Variants in DCHS2 observed in about 807,000 individuals in gnomAD.
DCHS2 encodes protocadherin-23.
DCHS2 carries 142 observed loss-of-function variants against 182.4 expected under a neutral mutation model. That is an observed-to-expected ratio of 0.78 (90% CI 0.68 to 0.89). The LOEUF is 0.89. Ranked by LOEUF, DCHS2 falls within the 40% of genes least tolerant of loss-of-function variation. The pLI is 0.00. For missense variants in DCHS2, 4,319 were observed against 4,198.6 expected (o/e 1.03, Z -0.79); for synonymous variants, 1,740 against 1,663.3 (o/e 1.05, Z -1.12).
At chr4:154,274,121 ACAGTCACTGT>A (rs1733723466) in intron 13 of DCHS2, among the ~76,000 whole-genome samples, 1 of 152,208 alleles carries the variant, frequency 6.6e-6, no homozygotes, top group Non-Finnish European at 1.5e-5. Flanking sequence ...AATGTCTCAG[ACAGTCACTGT>A]CAGCCTATCG....
intron 3 of DCHS2, among the ~76,000 whole-genome samples, chr4:154,362,651 AAC>A (rs1027359691): frequency 6.6e-6 from 1 of 152,070 alleles, no homozygotes; most frequent in Admixed American, 6.6e-5. Flanking sequence ...AGTTTTCAAT[AAC>A]AGTTACAAGT....
intron 1 of DCHS2, among the ~76,000 whole-genome samples, chr4:154,466,550 C>G (rs888606244): frequency 6.6e-6 from 1 of 152,118 alleles, no homozygotes; most frequent in African/African-American, 2.4e-5. Context: ...GATAAATAAT[C>G]CAGGTAAAGA....
At chr4:154,237,332 T>C in intron 19 of DCHS2, 173 bp from the exon 20 acceptor site, 1 of 887,450 alleles carries the variant, frequency 1.1e-6, no homozygotes, top group South Asian at 2.4e-5. Flanking sequence ...ATTTATATGT[T>C]TATAACATGT....
intron 2 of DCHS2, among the ~76,000 whole-genome samples, chr4:154,376,074 G>C (rs755521957): frequency 2.0e-5 from 3 of 152,086 alleles, no homozygotes; most frequent in Non-Finnish European, 2.9e-5. Flanking sequence ...AGGCAGGGAT[G>C]GGGGCATGGA....
At chr4:154,457,396 C>T (rs1734812776) in intron 1 of DCHS2, among the ~76,000 whole-genome samples, 1 of 152,166 alleles carries the variant, frequency 6.6e-6, no homozygotes, top group African/African-American at 2.4e-5. Context: ...TAACATGACA[C>T]AAATAAAAGC....
chr4:154,307,478 C>T (rs527573659), intron 10 of DCHS2, among the ~76,000 whole-genome samples: 1 of 152,038 alleles, frequency 6.6e-6, no homozygotes, highest in South Asian at 2.1e-4. Flanking sequence ...TCTACCTTCT[C>T]TTAGACTTCA....
intron 15 of DCHS2, 43 bp downstream of exon 15, chr4:154,259,502 A>C (rs539008733): frequency 1.6e-3 from 697 of 444,512 alleles, no homozygotes; most frequent in African/African-American, 7.1e-3. Flanking sequence ...AGACACACCC[A>C]CACACACACA....
At position 154,366,239 on chromosome 4, in the gene DCHS2, G is replaced by T. The variant is rs756567652; in HGVS notation, c.2447C>A (p.Ser816Ter). 6.2e-7 allele frequency: 1 copy of T among 1,613,536 alleles called. No homozygotes were observed. The highest frequency in any genetic ancestry group is 8.5e-7 in the Non-Finnish European group (1 of 1,179,848). The stretch of plus-strand genomic sequence containing the variant: ...GGTGGAGTCAATGGTAAAAAGGGAC[G>T]ACACGTTTCCTGGAATAAGCTCATA... ...VAYELIPGNV[S>*]SLFTIDSTTG... The change falls in exon 3 of 20, where the codon TCG becomes TAG. Residue 816 changes from serine to a stop codon, truncating the protein, a stop_gained. Coordinates refer to ENST00000357232, the MANE Select transcript of DCHS2 (RefSeq NM_001358235.2). LOFTEE classifies it high-confidence loss of function.
intron 1 of DCHS2, among the ~76,000 whole-genome samples, chr4:154,479,156 G>C (rs542733812): frequency 2.0e-4 from 30 of 152,226 alleles, no homozygotes; most frequent in Admixed American, 1.8e-3. Context: ...AATGAAAATT[G>C]TATAAGTGAA....
In DCHS2 at chr4:154,491,302, C is replaced by A. The variant is rs552899633; in HGVS notation, c.54G>T (p.Pro18=). 2 of 1,547,830 alleles carry A rather than the reference C, an allele frequency of 1.3e-6. No homozygotes were observed. The highest frequency in any genetic ancestry group is 1.4e-5 in the African/African-American group (1 of 73,112). The change falls in exon 1 of 20, where the codon CCG becomes CCT. Residue 18 remains proline, a synonymous_variant. Coordinates refer to ENST00000357232, the MANE Select transcript of DCHS2 (RefSeq NM_001358235.2). ...CGGGGAGCAGAAGGAGCTTCCCGAC[C>A]GGAGCCCGCCGCTGCTGACGCCCTT... ...MGEGRQQRRA[P]VGKLLLLPGR...
At chr4:154,471,305 G>A (rs967376172) in intron 1 of DCHS2, among the ~76,000 whole-genome samples, 1 of 152,162 alleles carries the variant, frequency 6.6e-6, no homozygotes, top group African/African-American at 2.4e-5. Context: ...CATATGTTAA[G>A]GTTCATGTGT....
chr4:154,419,638 G>A (rs1203108854), intron 1 of DCHS2, among the ~76,000 whole-genome samples: 75 of 31,060 alleles, frequency 2.4e-3, no homozygotes, highest in African/African-American at 9.3e-3. Flanking sequence ...CAAAAGAAAC[G>A]AAACTCCATC....
intron 9 of DCHS2, 50 bp from the exon 10 acceptor site, chr4:154,316,037 A>C: frequency 1.2e-6 from 2 of 1,603,606 alleles, no homozygotes; most frequent in Admixed American, 1.7e-5. Context: ...TTCTTTAGAG[A>C]AGTCATGCTT....
At chr4:154,251,465 A>C (rs7696179) in intron 16 of DCHS2, among the ~76,000 whole-genome samples, 141,673 of 152,186 alleles carry the variant, frequency 0.93, 66,080 homozygotes, top group East Asian at 1. Flanking sequence ...CCATAAATGG[A>C]AACTATTGTG....
intron 13 of DCHS2, among the ~76,000 whole-genome samples, chr4:154,274,173 T>C (rs765098723): frequency 3.3e-4 from 50 of 152,196 alleles, no homozygotes; most frequent in Non-Finnish European, 6.0e-4. Context: ...TTCAGGATGC[T>C]GAAGATTCTG....
At chr4:154,384,042 A>T (rs906678434) in intron 1 of DCHS2, among the ~76,000 whole-genome samples, 1 of 152,214 alleles carries the variant, frequency 6.6e-6, no homozygotes, top group South Asian at 2.1e-4. Context: ...AGAACTTTAC[A>T]TAGAAAAGAA....
intron 3 of DCHS2, among the ~76,000 whole-genome samples, chr4:154,356,158 G>C (rs951627797): frequency 6.6e-5 from 10 of 151,926 alleles, no homozygotes; most frequent in African/African-American, 2.4e-4. Flanking sequence ...TCATGCTCTT[G>C]ACCCTGTGTA....
chr4:154,366,413 C>A lies in DCHS2; in HGVS notation c.2273G>T (p.Arg758Leu), dbSNP rs777079328. ...ATCATTCACGTCCTCCAGGTCCACA[C>A]GAACAAAGGCTTGGGCACTTAGCCC... is the stretch of plus-strand genomic sequence containing the variant. ...GGGLSAQAFVRVDLEDVNDNH... is the reference protein window; with the variant it reads ...GGGLSAQAFVLVDLEDVNDNH... The change falls in exon 3 of 20, where the codon CGT becomes CTT. Residue 758 changes from arginine (R) to leucine (L), a missense_variant. Physicochemically the swap from Arg to Leu is moderately radical, Grantham distance 102 (BLOSUM62 -2). Transcript: ENST00000357232. The A allele has an allele frequency of 6.2e-7, 1 of 1,613,532 alleles. No homozygotes were observed. Among genetic ancestry groups the A allele is most frequent in the Non-Finnish European group, 8.5e-7 (1 of 1,179,814 alleles).
chr4:154,400,098 T>C (rs186608489), intron 1 of DCHS2, among the ~76,000 whole-genome samples: 4,123 of 151,892 alleles, frequency 0.027, 163 homozygotes, highest in African/African-American at 0.093. Flanking sequence ...GGTCAGGAGA[T>C]CGAGACCATC....
Sources: gnomAD v4.1 joint callset for allele counts (sites outside exome capture counted in the v4.1 genomes callset) on GRCh38, gnomAD v4.1.1 for gene constraint, MANE v1.5 for transcripts, NCBI Gene and HGNC (gene_info 2026-07-23, HGNC 2026-07-21) for gene names.